Variants in FHIT observed in about 807,000 individuals in gnomAD.
FHIT encodes the protein bis(5'-adenosyl)-triphosphatase.
A neutral mutation model predicts 17.9 loss-of-function variants in FHIT; 19 were observed. That is an observed-to-expected ratio of 1.06 (90% CI 0.74 to 1.56). FHIT has a LOEUF of 1.56. Ranked by LOEUF, FHIT falls within the 40% of genes most tolerant of loss-of-function variation. The pLI is 0.00. For missense variants in FHIT, 248 were observed against 189.2 expected (o/e 1.31, Z -1.82); for synonymous variants, 81 against 69.7 (o/e 1.16, Z -0.81).
chr3:60,504,128 G>C (rs2034630134), intron 5 of FHIT, among the ~76,000 whole-genome samples: 1 of 152,122 alleles, frequency 6.6e-6, no homozygotes, highest in Non-Finnish European at 1.5e-5. Flanking sequence ...AGCCACCAAT[G>C]TCAGTCACAC....
At chr3:59,860,083 C>T (rs1039139953) in intron 8 of FHIT, among the ~76,000 whole-genome samples, 2 of 152,074 alleles carry the variant, frequency 1.3e-5, no homozygotes, top group Non-Finnish European at 2.9e-5. Context: ...TGAAAGGATA[C>T]CGCAGTTCTT....
intron 2 of FHIT, among the ~76,000 whole-genome samples, chr3:61,164,315 A>T (rs2037775110): frequency 6.6e-6 from 1 of 152,222 alleles, no homozygotes; most frequent in African/African-American, 2.4e-5. Context: ...AAGGCTTCTC[A>T]AAGTGTGGTT....
At chr3:60,636,309 T>C (rs551162075) in intron 4 of FHIT, among the ~76,000 whole-genome samples, 7 of 152,260 alleles carry the variant, frequency 4.6e-5, no homozygotes, top group South Asian at 2.1e-4. Flanking sequence ...GACCTCATGA[T>C]CCACCCGCCT....
intron 8 of FHIT, among the ~76,000 whole-genome samples, chr3:59,886,830 C>T (rs183517806): frequency 6.0e-4 from 92 of 152,292 alleles, no homozygotes; most frequent in African/African-American, 2.1e-3. Flanking sequence ...TCCAGTGAGA[C>T]AGTTTTCTGA....
intron 5 of FHIT, among the ~76,000 whole-genome samples, chr3:60,366,048 A>G (rs1221981810): frequency 6.6e-6 from 1 of 152,180 alleles, no homozygotes; most frequent in South Asian, 2.1e-4. Flanking sequence ...GCAAGTACAT[A>G]TTTGTCAGTA....
intron 5 of FHIT, among the ~76,000 whole-genome samples, chr3:60,421,033 T>G (rs1378028147): frequency 7.5e-6 from 1 of 134,100 alleles, no homozygotes; most frequent in Admixed American, 6.9e-5. Context: ...CCCACTACTT[T>G]TTTTTTTTTT....
intron 2 of FHIT, among the ~76,000 whole-genome samples, chr3:61,051,858 AC>A (rs1458648937): frequency 1.3e-5 from 2 of 152,210 alleles, no homozygotes; most frequent in Non-Finnish European, 2.9e-5. Context: ...CAAAAGTTAC[AC>A]TGCATCTAAT....
intron 4 of FHIT, among the ~76,000 whole-genome samples, chr3:60,552,131 CAA>C (rs1221447778): frequency 6.6e-6 from 1 of 152,048 alleles, no homozygotes; most frequent in Non-Finnish European, 1.5e-5. Flanking sequence ...AGCATGTGTT[CAA>C]GATTCATCCA....
At chr3:60,210,056 A>G (rs1703377823) in intron 5 of FHIT, among the ~76,000 whole-genome samples, 1 of 152,196 alleles carries the variant, frequency 6.6e-6, no homozygotes, top group African/African-American at 2.4e-5. Flanking sequence ...CAGAACTTAA[A>G]ATAAAAAATT....
intron 5 of FHIT, among the ~76,000 whole-genome samples, chr3:60,370,760 T>G (rs1297861380): frequency 6.6e-6 from 1 of 152,286 alleles, no homozygotes; most frequent in Admixed American, 6.5e-5. Context: ...ACTCACTCTA[T>G]TCCCACAGCC....
intron 4 of FHIT, among the ~76,000 whole-genome samples, chr3:60,658,240 C>G (rs2040161945): frequency 6.6e-6 from 1 of 152,112 alleles, no homozygotes; most frequent in Admixed American, 6.6e-5. Flanking sequence ...CCTCAAGTTT[C>G]AATCATGTTG....
rs371224955 is a variant in FHIT, at chr3:60,744,258, C to CAAA, written c.-18+77658_-18+77660dup. Among the ~76,000 whole-genome samples the CAAA allele has an allele frequency of 7.2e-4, 69 of 95,556 alleles. 2 individuals are homozygous for CAAA. Among genetic ancestry groups the CAAA allele is most frequent in the Non-Finnish European group, 9.3e-4 (45 of 48,278 alleles). 62.7% of individuals were successfully genotyped at this position (95,556 alleles called of 152,430 possible). On this transcript the variant is annotated intron_variant, in intron 4 of 9. Coordinates refer to ENST00000492590, the MANE Select transcript of FHIT (RefSeq NM_002012.4). ...ATTGGAAGTAATGTAAAAAAAAAAA[C>CAAA]AAAACAAAACAAAAAAAAAAAAAAA... is the stretch of plus-strand genomic sequence containing the variant.
At chr3:60,642,526 T>C (rs1400651451) in intron 4 of FHIT, among the ~76,000 whole-genome samples, 1 of 152,214 alleles carries the variant, frequency 6.6e-6, no homozygotes, top group Non-Finnish European at 1.5e-5. Context: ...CTACTCATGC[T>C]CATTCTCAAG....
At chr3:61,011,584 T>G (rs367894430) in intron 3 of FHIT, among the ~76,000 whole-genome samples, 5 of 152,276 alleles carry the variant, frequency 3.3e-5, no homozygotes, top group African/African-American at 1.2e-4. Flanking sequence ...CTGGAGTTCA[T>G]GGAATCAGAT....
intron 3 of FHIT, among the ~76,000 whole-genome samples, chr3:60,842,645 A>ATATATTTT (rs1396703397): frequency 3.2e-5 from 3 of 94,588 alleles, no homozygotes; most frequent in African/African-American, 4.1e-5. Context: ...ATATATATAT[A>ATATATTTT]TTTTTTTTTT....
chr3:60,525,084 G>T (rs1443705647), intron 5 of FHIT, among the ~76,000 whole-genome samples: 1 of 152,164 alleles, frequency 6.6e-6, no homozygotes, highest in Non-Finnish European at 1.5e-5. Context: ...TTAGAAGAAG[G>T]TAGGAAGCCA....
chr3:60,843,487 T>C (rs1702809980), intron 3 of FHIT, among the ~76,000 whole-genome samples: 1 of 152,192 alleles, frequency 6.6e-6, no homozygotes, highest in Non-Finnish European at 1.5e-5. Context: ...GAGCCTTGCA[T>C]GTCTTGGAAA....
intron 4 of FHIT, among the ~76,000 whole-genome samples, chr3:60,575,748 G>GA (rs2037542425): frequency 1.3e-5 from 2 of 152,242 alleles, no homozygotes; most frequent in Non-Finnish European, 2.9e-5. Flanking sequence ...TTGTTCATCA[G>GA]AAAATAGAAT....
At chr3:60,116,486 T>C (rs1704968266) in intron 5 of FHIT, among the ~76,000 whole-genome samples, 1 of 152,142 alleles carries the variant, frequency 6.6e-6, no homozygotes, top group African/African-American at 2.4e-5. Context: ...ACTTTCCTCT[T>C]TTCTCACCTC....
Sources: gnomAD v4.1 joint callset for allele counts (sites outside exome capture counted in the v4.1 genomes callset) on GRCh38, gnomAD v4.1.1 for gene constraint, MANE v1.5 for transcripts, NCBI Gene and HGNC (gene_info 2026-07-23, HGNC 2026-07-21) for gene names.